Variants in TSHZ2 observed in about 807,000 individuals in gnomAD.
TSHZ2 encodes teashirt zinc finger homeobox 2.
TSHZ2 carries 21 observed loss-of-function variants against 74.4 expected under a neutral mutation model. The ratio of observed to expected loss-of-function variants is 0.28; its 90% confidence interval spans 0.20 to 0.41. The LOEUF is 0.41. Ranked by LOEUF, TSHZ2 falls within the 10% of genes least tolerant of loss-of-function variation. The probability of loss-of-function intolerance (pLI) is 1.00; values close to 1 mark genes in which losing one functional copy is unlikely to be tolerated. For missense variants in TSHZ2, 1,244 were observed against 1,293.5 expected, an observed-to-expected ratio of 0.96 and a Z score of 0.59; for synonymous variants, 540 against 515.3, an observed-to-expected ratio of 1.05 and a Z score of -0.65.
At chr20:53,120,758 G>C (rs1986786343) in intron 1 of TSHZ2, among the ~76,000 whole-genome samples, 1 of 152,180 alleles carries the variant, frequency 6.6e-6, no homozygotes, top group African/African-American at 2.4e-5. Context: ...CTTAGGCAAA[G>C]AGCAACAATT....
intron 1 of TSHZ2, among the ~76,000 whole-genome samples, chr20:53,222,982 A>T (rs1002022949): frequency 6.6e-6 from 1 of 152,222 alleles, no homozygotes; most frequent in Non-Finnish European, 1.5e-5. Flanking sequence ...GATTTGAATC[A>T]ATTAAAATGA....
At chr20:53,310,605 A>T in intron 2 of TSHZ2, among the ~76,000 whole-genome samples, 1 of 152,228 alleles carries the variant, frequency 6.6e-6, no homozygotes. Flanking sequence ...GCTCTCACAC[A>T]TCGATGGTAA....
intron 2 of TSHZ2, among the ~76,000 whole-genome samples, chr20:53,299,432 C>T (rs1176785976): frequency 1.3e-5 from 2 of 152,146 alleles, no homozygotes; most frequent in Admixed American, 1.3e-4. Flanking sequence ...AAGACTTTTT[C>T]CCTTGTTTTG....
intron 1 of TSHZ2, among the ~76,000 whole-genome samples, chr20:53,209,559 A>G (rs1344867269): frequency 6.6e-6 from 1 of 152,216 alleles, no homozygotes; most frequent in African/African-American, 2.4e-5. Context: ...ATATATCAAT[A>G]CTATCTAGCC....
chr20:53,475,511 G>GTGTA (rs1985965440), intron 2 of TSHZ2, among the ~76,000 whole-genome samples: 1 of 109,554 alleles, frequency 9.1e-6, no homozygotes, highest in Admixed American at 9.2e-5. Flanking sequence ...TCAAAGCAGT[G>GTGTA]TGTAGAGGGA....
chr20:53,475,415 A>G (rs2145845211), intron 2 of TSHZ2, among the ~76,000 whole-genome samples: 2 of 117,518 alleles, frequency 1.7e-5, no homozygotes, highest in African/African-American at 7.2e-5. Context: ...ACTACTGGGT[A>G]CATAACGAAA....
intron 2 of TSHZ2, among the ~76,000 whole-genome samples, chr20:53,338,377 A>G (rs1232522039): frequency 6.6e-6 from 1 of 152,122 alleles, no homozygotes; most frequent in Non-Finnish European, 1.5e-5. Flanking sequence ...AGGGTCTCCT[A>G]TGATGACTGC....
chr20:53,168,511 A>G (rs1988114059), intron 1 of TSHZ2: 1 of 152,206 alleles, frequency 6.6e-6, no homozygotes, highest in Non-Finnish European at 1.5e-5. Context: ...TAGAAAACTT[A>G]TGATGAATAC....
intron 1 of TSHZ2, among the ~76,000 whole-genome samples, chr20:53,006,590 A>G (rs1461133336): frequency 1.3e-5 from 2 of 152,210 alleles, no homozygotes; most frequent in Admixed American, 1.3e-4. Context: ...TCCATCATCT[A>G]TGTTGCCAGA....
In TSHZ2 at chr20:52,973,136, A is replaced by C; in HGVS notation, c.-158A>C. On this transcript the variant is annotated 5_prime_UTR_variant, in exon 1 of 3. Coordinates refer to ENST00000371497, the MANE Select transcript of TSHZ2 (RefSeq NM_173485.6). ...GGGGGTCTCTGGCCCGTGGTGGAGG[A>C]GTTGCAGGGGGGATCGTCAGGGGGA... The C allele has an allele frequency of 1.2e-6, 1 of 861,476 alleles. No homozygotes were observed. The highest frequency in any genetic ancestry group is 1.8e-6 in the Non-Finnish European group (1 of 567,786). 53.4% of individuals were successfully genotyped at this position (861,476 alleles called of 1,614,324 possible). A position where few individuals can be genotyped will look rare whatever the true frequency, so the allele number is the denominator to read the frequency against.
intron 2 of TSHZ2, among the ~76,000 whole-genome samples, chr20:53,458,484 A>C (rs1985208181): frequency 6.6e-6 from 1 of 151,934 alleles, no homozygotes; most frequent in African/African-American, 2.4e-5. Flanking sequence ...CAGTCTATCA[A>C]TTTTGTTGAT....
At chr20:53,286,533 A>G (rs1162025492) in intron 2 of TSHZ2, among the ~76,000 whole-genome samples, 1 of 152,190 alleles carries the variant, frequency 6.6e-6, no homozygotes. Flanking sequence ...TTAGGGCAGA[A>G]ATAGCCGGCT....
At chr20:53,240,774 T>TAC (rs1990050086) in intron 1 of TSHZ2, among the ~76,000 whole-genome samples, 1 of 109,274 alleles carries the variant, frequency 9.2e-6, no homozygotes, top group Non-Finnish European at 2.0e-5. Context: ...TAGATAGATA[T>TAC]GGTTTTTTAG....
chr20:53,217,575 A>G (rs1299747894), intron 1 of TSHZ2, among the ~76,000 whole-genome samples: 4 of 152,196 alleles, frequency 2.6e-5, no homozygotes, highest in African/African-American at 9.6e-5. Context: ...TAAGGAGTGG[A>G]TGGGGACCAT....
At chr20:53,181,425 A>C (rs913075662) in intron 1 of TSHZ2, among the ~76,000 whole-genome samples, 1 of 152,210 alleles carries the variant, frequency 6.6e-6, no homozygotes, top group African/African-American at 2.4e-5. Context: ...TCTGTTTCTG[A>C]CAGATCAAAG....
intron 1 of TSHZ2, among the ~76,000 whole-genome samples, chr20:53,234,254 G>A (rs1461411285): frequency 1.3e-5 from 2 of 152,190 alleles, no homozygotes; most frequent in Non-Finnish European, 2.9e-5. Flanking sequence ...AGCCAACCCA[G>A]AAAAATTCTG....
chr20:53,112,870 T>G (rs1366175841), intron 1 of TSHZ2, among the ~76,000 whole-genome samples: 1 of 152,242 alleles, frequency 6.6e-6, no homozygotes, highest in Non-Finnish European at 1.5e-5. Flanking sequence ...TGAGATTACA[T>G]GAACAAGCTT....
At chr20:53,186,017 G>T (rs1296612978) in intron 1 of TSHZ2, among the ~76,000 whole-genome samples, 2 of 152,168 alleles carry the variant, frequency 1.3e-5, no homozygotes, top group Non-Finnish European at 2.9e-5. Context: ...GCTTTAATCA[G>T]CCCTGCTGCA....
At chr20:53,388,771 G>T (rs988740752) in intron 2 of TSHZ2, among the ~76,000 whole-genome samples, 7 of 151,790 alleles carry the variant, frequency 4.6e-5, no homozygotes, top group Non-Finnish European at 8.8e-5. Flanking sequence ...AGTAGAGATG[G>T]GGTTTTTCAC....
Sources: allele counts gnomAD v4.1 joint callset (sites outside exome capture counted in the v4.1 genomes callset), GRCh38; gene constraint gnomAD v4.1.1; transcripts MANE v1.5; gene names NCBI Gene and HGNC (gene_info 2026-07-23, HGNC 2026-07-21).